Variants in IL1RAPL2 observed in about 807,000 individuals in gnomAD.
The protein encoded by IL1RAPL2 is interleukin 1 receptor accessory protein like 2, also known as X-linked interleukin-1 receptor accessory protein-like 2.
Under a neutral mutation model 44.1 loss-of-function variants are expected in IL1RAPL2, and 3 were observed. The observed-to-expected ratio is 0.07, with a 90% CI of 0.03 to 0.18. IL1RAPL2 has a LOEUF of 0.18. Ranked by LOEUF, IL1RAPL2 falls within the 10% of genes least tolerant of loss-of-function variation. IL1RAPL2 has a pLI of 1.00. For synonymous variants in IL1RAPL2, 181 were observed against 178.8 expected (o/e 1.01, Z -0.10); for missense variants, 391 against 496.4 (o/e 0.79, Z 2.02).
At chrX:105,392,148 T>C (rs2147730746) in intron 5 of IL1RAPL2, among the ~76,000 whole-genome samples, 1 of 107,442 alleles carries the variant, frequency 9.3e-6, no homozygotes, top group South Asian at 4.1e-4. Context: ...AGTATAATAA[T>C]AATAAAATAA....
At chrX:105,342,320 G>T (rs1268262216) in intron 5 of IL1RAPL2, among the ~76,000 whole-genome samples, 1 of 108,390 alleles carries the variant, frequency 9.2e-6, no homozygotes, top group African/African-American at 3.6e-5. Flanking sequence ...AATAATAAAA[G>T]AAAAGAAAAA....
At chrX:104,635,171 C>T (rs756680068) in intron 1 of IL1RAPL2, among the ~76,000 whole-genome samples, 1 of 111,726 alleles carries the variant, frequency 9.0e-6, no homozygotes, top group Non-Finnish European at 1.9e-5. Flanking sequence ...AATATTGGCC[C>T]CCACTCTCTT....
intron 2 of IL1RAPL2, among the ~76,000 whole-genome samples, chrX:105,091,171 G>A (rs1393351197): frequency 1.8e-5 from 2 of 112,253 alleles, no homozygotes; most frequent in African/African-American, 3.2e-5. Flanking sequence ...AAGTAATCTT[G>A]TATCAGTTTC....
chrX:105,408,835 T>G (rs2035670001), intron 5 of IL1RAPL2, among the ~76,000 whole-genome samples: 1 of 107,988 alleles, frequency 9.3e-6, no homozygotes, highest in South Asian at 4.1e-4. Context: ...ACTGCAGATT[T>G]TAGATCTAAT....
intron 2 of IL1RAPL2, among the ~76,000 whole-genome samples, chrX:104,886,522 C>T (rs770715182): frequency 9.1e-6 from 1 of 110,473 alleles, no homozygotes; most frequent in South Asian, 3.9e-4. Flanking sequence ...CCCTGCAACA[C>T]CCCAATTCTA....
chrX:105,355,983 C>T (rs1048868673), intron 5 of IL1RAPL2, among the ~76,000 whole-genome samples: 15 of 110,928 alleles, frequency 1.4e-4, no homozygotes, highest in African/African-American at 3.9e-4. Flanking sequence ...CTAAAAGGTG[C>T]CCCCCACCAC....
chrX:105,423,378 G>A (rs56278221), intron 5 of IL1RAPL2, among the ~76,000 whole-genome samples: 24,994 of 111,178 alleles, frequency 0.22, 6,798 homozygotes, highest in African/African-American at 0.78. Context: ...CATTCATTTG[G>A]CCAAAGTGAT....
chrX:105,002,870 C>G (rs781588166), intron 2 of IL1RAPL2, among the ~76,000 whole-genome samples: 87 of 111,294 alleles, frequency 7.8e-4, no homozygotes, highest in African/African-American at 2.8e-3. Context: ...TCTGTAAACA[C>G]CATCATAATA....
At position 104,905,619 on chromosome X, in the gene IL1RAPL2, T is replaced by C. The variant is rs1168747323; in HGVS notation, c.82+246624T>C. ...GTCAAAGATCAGATAGTTGTAGATA[T>C]GTGGTGTTATTTCTGAGGGCTCTGT... On this transcript the variant is annotated intron_variant, in intron 2 of 10. Transcript: ENST00000372582. Among the ~76,000 whole-genome samples, 3 of 111,613 alleles carry C rather than the reference T, an allele frequency of 2.7e-5. No homozygotes were observed. The Admixed American group carries it at 2.9e-4, about 11-fold the overall frequency.
At chrX:105,184,104 C>G (rs782090506) in intron 2 of IL1RAPL2, among the ~76,000 whole-genome samples, 2 of 111,858 alleles carry the variant, frequency 1.8e-5, no homozygotes, top group East Asian at 2.8e-4. Context: ...ACCCTTCCCC[C>G]ACATTGGAGA....
At chrX:104,605,515 T>G (rs1182350253) in intron 1 of IL1RAPL2, among the ~76,000 whole-genome samples, 3 of 111,151 alleles carry the variant, frequency 2.7e-5, no homozygotes, top group Non-Finnish European at 3.8e-5. Flanking sequence ...CTTCAAAACA[T>G]CCATGAATCC....
intron 5 of IL1RAPL2, among the ~76,000 whole-genome samples, chrX:105,267,978 A>G (rs1002594697): frequency 8.9e-6 from 1 of 112,004 alleles, no homozygotes; most frequent in African/African-American, 3.2e-5. Context: ...AAAATTCTCC[A>G]TAAGTGAGTG....
At chrX:104,909,894 C>G (rs1480541877) in intron 2 of IL1RAPL2, among the ~76,000 whole-genome samples, 4 of 112,454 alleles carry the variant, frequency 3.6e-5, no homozygotes, top group African/African-American at 6.5e-5. Context: ...GTTCGAGCTT[C>G]CTGGCTGCTT....
chrX:105,669,819 T>C (rs1179195615), intron 6 of IL1RAPL2, among the ~76,000 whole-genome samples: 1 of 109,873 alleles, frequency 9.1e-6, no homozygotes, highest in Non-Finnish European at 1.9e-5. Flanking sequence ...CTTCTCTCCA[T>C]TTCTGTAATT....
At chrX:105,159,343 G>T (rs183457773) in intron 2 of IL1RAPL2, among the ~76,000 whole-genome samples, 1 of 112,107 alleles carries the variant, frequency 8.9e-6, no homozygotes, top group African/African-American at 3.2e-5. Context: ...CATTCAGATT[G>T]AGAAGCCAAG....
intron 2 of IL1RAPL2, among the ~76,000 whole-genome samples, chrX:104,709,006 G>T (rs778580352): frequency 8.0e-4 from 89 of 111,403 alleles, no homozygotes; most frequent in Non-Finnish European, 3.6e-4. Flanking sequence ...TGGATAATCT[G>T]CCCTTTCAGA....
chrX:104,626,357 C>T (rs1929507882), intron 1 of IL1RAPL2, among the ~76,000 whole-genome samples: 1 of 108,286 alleles, frequency 9.2e-6, no homozygotes, highest in African/African-American at 3.4e-5. Flanking sequence ...TTTTATGACC[C>T]TGAGGCATAA....
intron 6 of IL1RAPL2, among the ~76,000 whole-genome samples, chrX:105,692,730 A>G (rs1173744656): frequency 3.6e-5 from 4 of 110,013 alleles, no homozygotes; most frequent in African/African-American, 9.9e-5. Context: ...CTTGAATACC[A>G]TGCTAAGCAA....
intron 2 of IL1RAPL2, among the ~76,000 whole-genome samples, chrX:104,944,883 AGCTAC>A (rs1925301619): frequency 8.9e-6 from 1 of 111,988 alleles, no homozygotes; most frequent in African/African-American, 3.2e-5. Flanking sequence ...AATTCTGCTC[AGCTAC>A]TAACTAACTT....
Sources: allele counts gnomAD v4.1 joint callset (sites outside exome capture counted in the v4.1 genomes callset), GRCh38; gene constraint gnomAD v4.1.1; transcripts MANE v1.5; gene names NCBI Gene and HGNC (gene_info 2026-07-23, HGNC 2026-07-21).